Variants in BMPER observed in about 807,000 individuals in gnomAD.
The protein encoded by BMPER is BMP-binding endothelial regulator protein.
In BMPER, 45 loss-of-function variants were observed where a neutral mutation model predicts 87.3. The ratio of observed to expected loss-of-function variants is 0.52; its 90% CI spans 0.41 to 0.66. The LOEUF is 0.66. BMPER is among the 30% of genes least tolerant of loss of function. The pLI, the probability that BMPER is intolerant of heterozygous loss-of-function variation, is 0.00. For synonymous variants in BMPER, 326 were observed against 316.2 expected (o/e 1.03, Z -0.33); for missense variants, 784 against 867.5 (o/e 0.90, Z 1.21).
At chr7:34,034,494 G>T (rs552902794) in intron 6 of BMPER, among the ~76,000 whole-genome samples, 22 of 152,230 alleles carry the variant, frequency 1.4e-4, no homozygotes, top group Admixed American at 9.2e-4. Flanking sequence ...CAAGCACTTT[G>T]GTTCTCAGCC....
intron 3 of BMPER, among the ~76,000 whole-genome samples, chr7:33,939,196 T>C (rs1028999753): frequency 1.3e-5 from 2 of 152,218 alleles, no homozygotes; most frequent in Non-Finnish European, 2.9e-5. Flanking sequence ...TGATTGGTCA[T>C]GCAGAAGGGT....
chr7:34,082,395 A>G (rs1789076119), intron 12 of BMPER, among the ~76,000 whole-genome samples: 2 of 130,608 alleles, frequency 1.5e-5, no homozygotes, highest in South Asian at 5.1e-4. Flanking sequence ...GCTCATGTAG[A>G]GGGTAAAAAT....
chr7:33,933,394 A>C (rs1784526302), intron 2 of BMPER, among the ~76,000 whole-genome samples: 2 of 152,000 alleles, frequency 1.3e-5, no homozygotes, highest in Admixed American at 1.3e-4. Flanking sequence ...ACGGGAGACT[A>C]AGAATGAAAG....
At chr7:33,905,472 A>T (rs1305051344), upstream of BMPER, 2 of 267,858 alleles carry the variant, frequency 7.5e-6, no homozygotes, top group Admixed American at 1.4e-4. Flanking sequence ...CCCGCCCCCC[A>T]GCTCTCGGGC....
intron 4 of BMPER, 100 bp from the exon 5 acceptor site, chr7:33,970,228 GT>G (rs757395299): frequency 2.1e-5 from 26 of 1,219,404 alleles, no homozygotes; most frequent in Non-Finnish European, 3.2e-5. Context: ...AAACCTTGTG[GT>G]TTTTGTGCTT....
chr7:33,940,870 T>TTATATATATTTATATATAA (rs1347283195), intron 3 of BMPER, among the ~76,000 whole-genome samples: 1 of 141,072 alleles, frequency 7.1e-6, no homozygotes, highest in African/African-American at 2.6e-5. Context: ...ATATATTATA[T>TTATATATATTTATATATAA]TATATATATT....
intron 13 of BMPER, among the ~76,000 whole-genome samples, chr7:34,129,637 A>AAAGG (rs1790520202): frequency 1.3e-5 from 2 of 149,448 alleles, no homozygotes; most frequent in Admixed American, 6.7e-5. Context: ...AGAGAGAAAG[A>AAAGG]AAGAAAGAAA....
At chr7:34,129,364 T>C (rs1469631010) in intron 13 of BMPER, among the ~76,000 whole-genome samples, 1 of 151,624 alleles carries the variant, frequency 6.6e-6, no homozygotes, top group Non-Finnish European at 1.5e-5. Context: ...TAGCCAGGTG[T>C]GTTGGTGCAC....
rs112468204 is a variant in BMPER, at chr7:33,951,482, T to C, written c.319+14094T>C. On this transcript the variant is annotated intron_variant, in intron 3 of 14. Transcript: ENST00000649409. ...CTGACTTTGACCCATTTTTTACATT[T>C]CACTTTGGACATTCTTTCCCGGCAT... Among the ~76,000 whole-genome samples the C allele has an allele frequency of 5.9e-3, 892 of 152,286 alleles. 6 individuals are homozygous for C. The highest frequency in any genetic ancestry group is 0.02 in the African/African-American group (834 of 41,558).
intron 13 of BMPER, among the ~76,000 whole-genome samples, chr7:34,098,719 A>T (rs945577125): frequency 6.6e-6 from 1 of 152,156 alleles, no homozygotes; most frequent in African/African-American, 2.4e-5. Flanking sequence ...GCTTTTCCAT[A>T]TGAAGAGGAA....
At chr7:34,119,650 G>A (rs1790212914) in intron 13 of BMPER, among the ~76,000 whole-genome samples, 1 of 152,106 alleles carries the variant, frequency 6.6e-6, no homozygotes, top group Non-Finnish European at 1.5e-5. Context: ...TAGAAGGCAG[G>A]AAGTAGAAAA....
At chr7:34,094,027 G>T (rs1283523901) in intron 13 of BMPER, among the ~76,000 whole-genome samples, 1 of 152,200 alleles carries the variant, frequency 6.6e-6, no homozygotes, top group Non-Finnish European at 1.5e-5. Context: ...GCGCAGCTGA[G>T]CAGCTAGCCT....
At chr7:34,003,300 A>G (rs533074776) in intron 6 of BMPER, among the ~76,000 whole-genome samples, 4 of 152,070 alleles carry the variant, frequency 2.6e-5, no homozygotes, top group African/African-American at 9.6e-5. Context: ...ATCCTAATTT[A>G]AGATAATCCA....
chr7:34,040,731 G>C (rs1787811601), intron 6 of BMPER, among the ~76,000 whole-genome samples: 1 of 152,124 alleles, frequency 6.6e-6, no homozygotes, highest in African/African-American at 2.4e-5. Context: ...TATGGGGATG[G>C]TGAACACTTT....
chr7:33,991,584 T>C (rs1490080469), intron 6 of BMPER, among the ~76,000 whole-genome samples: 2 of 152,204 alleles, frequency 1.3e-5, no homozygotes, highest in Non-Finnish European at 2.9e-5. Flanking sequence ...GATTCATTAA[T>C]TTTTTGAAGG....
intron 11 of BMPER, among the ~76,000 whole-genome samples, chr7:34,076,439 A>G (rs1455539324): frequency 6.6e-6 from 1 of 152,192 alleles, no homozygotes. Flanking sequence ...GGTTGTGCAT[A>G]TTAATTTTAA....
chr7:33,919,060 G>T (rs73693050), intron 2 of BMPER, among the ~76,000 whole-genome samples: 4 of 152,018 alleles, frequency 2.6e-5, no homozygotes, highest in South Asian at 2.1e-4. Context: ...GCACGTGTGT[G>T]GGGGGGAATT....
At chr7:34,055,328 G>T in intron 9 of BMPER, 25 bp downstream of exon 9, 1 of 1,613,384 alleles carries the variant, frequency 6.2e-7, no homozygotes, top group Non-Finnish European at 8.5e-7. Context: ...AAGCACATGG[G>T]AACTCCTGTA....
intron 13 of BMPER, among the ~76,000 whole-genome samples, chr7:34,135,173 A>T (rs545199038): frequency 7.7e-4 from 117 of 152,338 alleles, no homozygotes; most frequent in Non-Finnish European, 1.4e-3. Context: ...GTGGGCAGGC[A>T]ATCAAGTAAG....
Sources: allele counts gnomAD v4.1 joint callset (sites outside exome capture counted in the v4.1 genomes callset), GRCh38; gene constraint gnomAD v4.1.1; transcripts MANE v1.5; gene names NCBI Gene and HGNC (gene_info 2026-07-23, HGNC 2026-07-21).